TRUB1: variants seen among roughly 807,000 people sequenced by gnomAD.
TRUB1 encodes the protein pseudouridylate synthase TRUB1.
TRUB1 carries 23 observed loss-of-function variants against 33.9 expected under a neutral mutation model. The observed-to-expected ratio is 0.68, with a 90% CI of 0.49 to 0.96. The LOEUF is 0.96. TRUB1 is among the 40% of genes least tolerant of loss of function. The pLI, the probability that TRUB1 is intolerant of heterozygous loss-of-function variation, is 0.00. For missense variants in TRUB1, 378 were observed against 422.2 expected (o/e 0.90, Z 0.92); for synonymous variants, 163 against 165.4 (o/e 0.99, Z 0.11).
chr10:114,970,550 T>C, intron 5 of TRUB1, 110 bp downstream of exon 5: 1 of 806,888 alleles, frequency 1.2e-6, no homozygotes, highest in Non-Finnish European at 2.1e-6. Context: ...AAGGCAGGTT[T>C]TAAATCTGAT....
intron 5 of TRUB1, among the ~76,000 whole-genome samples, chr10:114,971,560 G>GTTAAA (rs10649533): frequency 0.47 from 71,365 of 151,312 alleles, 19,497 homozygotes; most frequent in African/African-American, 0.76. Flanking sequence ...TTGGATCATT[G>GTTAAA]TTAAATTTAT....
chr10:114,963,411 G>A (rs543322678), intron 4 of TRUB1, among the ~76,000 whole-genome samples: 1 of 152,122 alleles, frequency 6.6e-6, no homozygotes, highest in Non-Finnish European at 1.5e-5. Context: ...GTGTGTAGCT[G>A]GGTATAAAAA....
chr10:114,958,039 T>C (rs1306487608), intron 3 of TRUB1, among the ~76,000 whole-genome samples: 1 of 152,232 alleles, frequency 6.6e-6, no homozygotes, highest in East Asian at 1.9e-4. Flanking sequence ...CTAAACTCTT[T>C]GCTTCTTCTC....
At chr10:114,948,326 GCCATTT>G (rs1286895814) in intron 2 of TRUB1, among the ~76,000 whole-genome samples, 1 of 152,160 alleles carries the variant, frequency 6.6e-6, no homozygotes, top group Non-Finnish European at 1.5e-5. Context: ...CAGCTGAAAT[GCCATTT>G]CCTACCTTTG....
chr10:114,941,924 A>T (rs2084188998), intron 1 of TRUB1, among the ~76,000 whole-genome samples: 1 of 152,070 alleles, frequency 6.6e-6, no homozygotes, highest in South Asian at 2.1e-4. Context: ...AGCTGGGACT[A>T]CAGGCACCCG....
At chr10:114,953,866 G>A (rs907552867) in intron 3 of TRUB1, among the ~76,000 whole-genome samples, 5 of 151,998 alleles carry the variant, frequency 3.3e-5, no homozygotes, top group African/African-American at 7.3e-5. Context: ...GCCAGATCTC[G>A]CGTGAACTCA....
At chr10:114,949,060 A>G (rs1468006666) in intron 2 of TRUB1, among the ~76,000 whole-genome samples, 1 of 152,166 alleles carries the variant, frequency 6.6e-6, no homozygotes, top group African/African-American at 2.4e-5. Flanking sequence ...CTCTCTGTTC[A>G]TTTGACACTT....
chr10:114,952,068 G>A (rs994048776), intron 3 of TRUB1, among the ~76,000 whole-genome samples: 1 of 152,202 alleles, frequency 6.6e-6, no homozygotes, highest in South Asian at 2.1e-4. Context: ...AAGTTTCTAC[G>A]CAATCTCATT....
Position 114,975,253 on chromosome 10 carries a change from A to G in TRUB1, c.924A>G (p.Ser308=), listed in dbSNP as rs769745481. 14 of 1,613,680 alleles carry G rather than the reference A, an allele frequency of 8.7e-6. No homozygotes were observed. The South Asian group carries it at 1.1e-4, about 13-fold the overall frequency. The change falls in exon 8 of 8, where the codon TCA becomes TCG. Residue 308 remains serine (S), a synonymous_variant. Coordinates refer to ENST00000298746, the MANE Select transcript of TRUB1 (RefSeq NM_139169.5). Reference sequence around the variant, plus strand: ...TTGCACAGTCTCTTGAGCATTGCTCATCTCTTTTCCCAGCAGAGTTGGCAC... The same window carrying G: ...TTGCACAGTCTCTTGAGCATTGCTCGTCTCTTTTCCCAGCAGAGTTGGCAC... ...DDIAQSLEHC[S]SLFPAELALK... is the part of the protein sequence containing the mutation.
rs1217222385 is a variant in TRUB1, at chr10:114,942,787, A to G, written c.385+44A>G. 4.8e-6 allele frequency: 6 copies of G among 1,238,234 alleles called. No homozygotes were observed. In the African/African-American group the frequency reaches 8.9e-5, roughly 18 times the overall value. 76.7% of individuals were successfully genotyped at this position (1,238,234 alleles called of 1,614,324 possible). On this transcript the variant is annotated intron_variant, in intron 2 of 7. Coordinates refer to ENST00000298746, the MANE Select transcript of TRUB1 (RefSeq NM_139169.5). ...AGTTAAGTGTCCACTGTCACTTAAT[A>G]TCAGAAAGAAACACTGGTTGAGAAC...
intron 5 of TRUB1, among the ~76,000 whole-genome samples, chr10:114,971,438 A>G (rs955322349): frequency 2.6e-5 from 4 of 152,094 alleles, no homozygotes; most frequent in Non-Finnish European, 5.9e-5. Flanking sequence ...TGTATTTAAA[A>G]TCTTGAGTTT....
intron 3 of TRUB1, among the ~76,000 whole-genome samples, chr10:114,952,398 G>A (rs1012072375): frequency 1.3e-5 from 2 of 152,190 alleles, no homozygotes; most frequent in Non-Finnish European, 2.9e-5. Flanking sequence ...CCAAGATCAC[G>A]CCATTGCACG....
intron 2 of TRUB1, among the ~76,000 whole-genome samples, chr10:114,949,679 G>A (rs1014085658): frequency 5.9e-5 from 9 of 152,236 alleles, no homozygotes; most frequent in South Asian, 4.1e-4. Flanking sequence ...ATGTAGAACC[G>A]TCAGGTTTGC....
At chr10:114,958,905 G>T (rs1377739254) in intron 3 of TRUB1, among the ~76,000 whole-genome samples, 1 of 152,162 alleles carries the variant, frequency 6.6e-6, no homozygotes, top group African/African-American at 2.4e-5. Context: ...GGAGGCCGAG[G>T]TGGGTGGATC....
rs1288245880 is a variant in TRUB1, at chr10:114,938,382, G to A, written c.129G>A (p.Val43=). The A allele has an allele frequency of 3.7e-6, 6 of 1,608,688 alleles. No homozygotes were observed. The highest frequency in any genetic ancestry group is 5.1e-6 in the Non-Finnish European group (6 of 1,177,604). ...CGTCAGCAAGGGCTGCAGCCGCGGT[G>A]GTTGCGGCCGCGGCCAGGACCGGAT... The part of the protein sequence containing the change: ...ATPSARAAAA[V]VAAAARTGSE... Residue 43 remains valine, a synonymous_variant, in exon 1 of 8, where the codon GTG becomes GTA. Coordinates refer to ENST00000298746, the MANE Select transcript of TRUB1 (RefSeq NM_139169.5).
chr10:114,974,866 G>A (rs2084353070), intron 7 of TRUB1, among the ~76,000 whole-genome samples: 1 of 152,008 alleles, frequency 6.6e-6, no homozygotes, highest in South Asian at 2.1e-4. Context: ...CCATGGGGTT[G>A]GCTGCATGAG....
intron 2 of TRUB1, 73 bp downstream of exon 2, chr10:114,942,816 T>C: frequency 2.1e-6 from 2 of 966,322 alleles, no homozygotes; most frequent in Non-Finnish European, 3.3e-6. Context: ...TGAGAACAGA[T>C]AGATTGACTA....
At chr10:114,940,532 T>C (rs911621287) in intron 1 of TRUB1, among the ~76,000 whole-genome samples, 2 of 152,222 alleles carry the variant, frequency 1.3e-5, no homozygotes, top group Non-Finnish European at 2.9e-5. Flanking sequence ...ATTCCTATTA[T>C]GCTACAATCT....
At chr10:114,970,325 C>T in intron 4 of TRUB1, 43 bp from the exon 5 acceptor site, 6 of 1,383,140 alleles carry the variant, frequency 4.3e-6, no homozygotes, top group Non-Finnish European at 6.1e-6. Flanking sequence ...AGTACATGTA[C>T]TTCTGTGGTT....
Sources: allele counts gnomAD v4.1 joint callset (sites outside exome capture counted in the v4.1 genomes callset), GRCh38; gene constraint gnomAD v4.1.1; transcripts MANE v1.5; gene names NCBI Gene and HGNC (gene_info 2026-07-23, HGNC 2026-07-21).